The following ROBO3 variants were observed in gnomAD, a reference collection of about 807,000 sequenced individuals.
ROBO3 encodes the protein roundabout homolog 3.
A neutral mutation model predicts 160.5 loss-of-function variants in ROBO3; 97 were observed. The ratio of observed to expected loss-of-function variants is 0.60; its 90% CI spans 0.51 to 0.72. The LOEUF is 0.72. ROBO3 is among the 30% of genes least tolerant of loss of function. The probability of loss-of-function intolerance (pLI) is 0.00; values close to 1 mark genes in which losing one functional copy is unlikely to be tolerated. For synonymous variants in ROBO3, 780 were observed against 746.2 expected (o/e 1.05, Z -0.74); for missense variants, 1,858 against 1,846.5 (o/e 1.01, Z -0.11).
rs894813965 is a variant in ROBO3 at position 124,875,108 on chromosome 11, C to A, written c.2074-3C>A. On this transcript the variant is annotated splice_polypyrimidine_tract_variant and splice_region_variant and intron_variant, in intron 13 of 27. Transcript: ENST00000397801. ...CTGGTGTGCCTTGTCCTGTCTCCCACAGGTGGATGGCCCAGTCCAGCTGGT... is the reference window on the plus strand; with the variant it reads ...CTGGTGTGCCTTGTCCTGTCTCCCAAAGGTGGATGGCCCAGTCCAGCTGGT... 4 of 1,597,510 alleles carry A rather than the reference C, an allele frequency of 2.5e-6. No homozygotes were observed. The highest frequency in any genetic ancestry group is 2.2e-5 in the South Asian group (2 of 88,998).
At position 124,875,859 on chromosome 11, in the gene ROBO3, C is replaced by G. The variant is rs562529528; in HGVS notation, c.2422-95C>G. On this transcript the variant is annotated intron_variant, in intron 15 of 27. Transcript: ENST00000397801. Reference sequence around the variant, plus strand: ...GTGTTGTTTCCAGGTTGAATTACATCTGTATAAGGCTTCTCTACCATTTGG... The same window carrying G: ...GTGTTGTTTCCAGGTTGAATTACATGTGTATAAGGCTTCTCTACCATTTGG... 4.5e-4 allele frequency: 657 copies of G among 1,468,856 alleles called. 1 individual carries two copies. The Middle Eastern group carries it at 6.6e-3, about 15-fold the overall frequency. 91.0% of individuals were successfully genotyped at this position (1,468,856 alleles called of 1,614,324 possible).
chr11:124,873,574 T>C lies in ROBO3; in HGVS notation c.1619-123T>C, dbSNP rs1193419276. The stretch of plus-strand genomic sequence containing the variant: ...AGGCAGATGTGAGTAGGGGTTCATA[T>C]ACTATAGCCCACTCTGACCATCACC... On this transcript the variant is annotated intron_variant, in intron 10 of 27. Transcript: ENST00000397801. The surrounding 1 kb of genome is among the most constrained non-coding windows in gnomAD (Gnocchi z 4.5). The C allele has an allele frequency of 1.3e-5, 14 of 1,041,180 alleles. No homozygotes were observed. The highest frequency in any genetic ancestry group is 1.6e-5 in the African/African-American group (1 of 62,890). The allele number at this position is 1,041,180 out of a possible 1,614,324, so 64.5% of individuals were successfully genotyped here. A position where few individuals can be genotyped will look rare whatever the true frequency, so the allele number is the denominator to read the frequency against.
At position 124,877,537 on chromosome 11, in the gene ROBO3, C is replaced by T. The variant is rs759094418; in HGVS notation, c.2865C>T (p.Gly955=). The change falls in exon 20 of 28, where the codon GGC becomes GGT. Residue 955 remains glycine, a synonymous_variant. Transcript: ENST00000397801. Reference sequence around the variant, plus strand: ...CCCTCAGGCCACCCATGGGCCTTGGCCCCGCCCCCTACTCATGGCTGGCAG... The same window carrying T: ...CCCTCAGGCCACCCATGGGCCTTGGTCCCGCCCCCTACTCATGGCTGGCAG... ...GASSRPPMGL[G]PAPYSWLADS... 6.2e-7 allele frequency: 1 copy of T among 1,600,532 alleles called. No homozygotes were observed. The highest frequency in any genetic ancestry group is 1.1e-5 in the South Asian group (1 of 88,652).
At chr11:124,880,687 G>A in intron 27 of ROBO3, 79 bp downstream of exon 27, 1 of 1,449,876 alleles carries the variant, frequency 6.9e-7, no homozygotes. Flanking sequence ...AAACAGGAAG[G>A]TGGGCAAGGG....
Position 124,876,030 on chromosome 11 carries a change from G to A in ROBO3, c.2498G>A (p.Arg833Gln), listed in dbSNP as rs993332176. The change falls in exon 16 of 28, where the codon CGA becomes CAA. Residue 833 changes from arginine (R) to glutamine (Q), a missense_variant. Physicochemically the swap from Arg to Gln is conservative, Grantham distance 43. Coordinates refer to ENST00000397801, the MANE Select transcript of ROBO3 (RefSeq NM_022370.4). This position sits in a 1 kb window ranked among gnomAD's most constrained non-coding sequence, Gnocchi z 5.3. ...GGCTGGGCACGCTCCGCAATGCTCC[G>A]AGGACTGGTGCCCGGTCTCCTCTAT... ...AAGWARSAMLRGLVPGLLYRT... is the reference protein window; with the variant it reads ...AAGWARSAMLQGLVPGLLYRT... 8.7e-6 allele frequency: 14 copies of A among 1,605,548 alleles called. No homozygotes were observed. The highest frequency in any genetic ancestry group is 1.3e-5 in the African/African-American group (1 of 74,750).
Position 124,874,918 on chromosome 11 carries a change from G to T in ROBO3, c.2073+9G>T. 1 of 1,602,216 alleles carries T rather than the reference G, an allele frequency of 6.2e-7. No individual in the cohort carries two copies. ...TGCAGGTGTCCTGGACTGTGAGTGT[G>T]GTATGGGGAGGAGATTCAGGGTGGG... On this transcript the variant is annotated intron_variant, in intron 13 of 27. Transcript: ENST00000397801.
At position 124,879,394 on chromosome 11, in the gene ROBO3, C is replaced by T. The variant is rs1946498794; in HGVS notation, c.3685+53C>T. 7 of 1,606,196 alleles carry T rather than the reference C, an allele frequency of 4.4e-6. No individual in the cohort carries two copies. In the East Asian group the frequency reaches 1.1e-4, roughly 26 times the overall value. ...CCCGGCTCCCTCCAGTGCTTGCTTCCCCTTCACCCTTAGGCCTTTTTCCTG... is the reference window on the plus strand; with the variant it reads ...CCCGGCTCCCTCCAGTGCTTGCTTCTCCTTCACCCTTAGGCCTTTTTCCTG... On this transcript the variant is annotated intron_variant, in intron 24 of 27. Coordinates refer to ENST00000397801, the MANE Select transcript of ROBO3 (RefSeq NM_022370.4).
intron 14 of ROBO3, 60 bp from the exon 15 acceptor site, chr11:124,875,484 GGGAGGGGGAATGTTGGGGCA>G (rs1946344592): frequency 6.3e-7 from 1 of 1,592,806 alleles, no homozygotes; most frequent in African/African-American, 1.4e-5. Context: ...TGTTAGAACA[GGGAGGGGGAATGTTGGGGCA>G]GGAGGGGCAG....
At chr11:124,874,573 G>A (rs1353121703) in intron 12 of ROBO3, among the ~76,000 whole-genome samples, 1 of 152,222 alleles carries the variant, frequency 6.6e-6, no homozygotes, top group Non-Finnish European at 1.5e-5. Context: ...TCTTAGAGAT[G>A]AGGAACTGAG....
rs1168577893 is a variant in ROBO3 at position 124,879,835 on chromosome 11, C to T, written c.3845C>T (p.Ala1282Val). The change falls in exon 26 of 28, where the codon GCC (alanine) becomes GTC (valine). Residue 1282 changes from alanine (A) to valine (V), a missense_variant. Physicochemically the swap from Ala to Val is moderately conservative, Grantham distance 64. Transcript: ENST00000397801. ...LPPPEEEASW[A>V]LELRAAGSMS... ...CCGCCAGAGGAAGAGGCGAGCTGGG[C>T]CCTAGAGCTGAGGGCAGCAGGCAGC... The T allele has an allele frequency of 6.2e-7, 1 of 1,613,850 alleles. No individual in the cohort carries two copies. The highest frequency in any genetic ancestry group is 8.5e-7 in the Non-Finnish European group (1 of 1,179,834).
rs752275159 is a variant in ROBO3 at position 124,873,063 on chromosome 11, G to A, written c.1510G>A (p.Gly504Ser). 3.5e-5 allele frequency: 57 copies of A among 1,613,692 alleles called. No homozygotes were observed. The Admixed American group carries it at 4.2e-4, about 12-fold the overall frequency. Residue 504 changes from glycine to serine, a missense_variant, in exon 9 of 28, where the codon GGT (glycine) becomes AGT (serine). Transcript: ENST00000397801. The surrounding 1 kb of genome is among the most constrained non-coding windows in gnomAD (Gnocchi z 4.5). Reference protein sequence around the residue: ...DDLQFKTMANGTLYIANVQEM... With the variant: ...DDLQFKTMANSTLYIANVQEM... ...CCTCCAGTTCAAGACAATGGCCAAC[G>A]GTACCCTGTACATCGCCAATGTGCA... is the stretch of plus-strand genomic sequence containing the variant.
intron 27 of ROBO3, among the ~76,000 whole-genome samples, chr11:124,881,010 C>T (rs1460513476): frequency 1.1e-4 from 16 of 152,146 alleles, no homozygotes; most frequent in Admixed American, 1.0e-3. Context: ...GCCATGATCA[C>T]ACCACTGCTC....
rs1332187651 is a variant in ROBO3 at position 124,870,321 on chromosome 11, G to T, written c.905+18G>T. The T allele has an allele frequency of 6.2e-7, 1 of 1,609,438 alleles. No homozygotes were observed. The highest frequency in any genetic ancestry group is 8.5e-7 in the Non-Finnish European group (1 of 1,177,778). ...ACAGGCAGGTGAGAGACCCCCTTCTGCCTGTAGGAAGACCCAACCTGATCA... is the reference window on the plus strand; with the variant it reads ...ACAGGCAGGTGAGAGACCCCCTTCTTCCTGTAGGAAGACCCAACCTGATCA... On this transcript the variant is annotated intron_variant, in intron 5 of 27. Transcript: ENST00000397801.
chr11:124,878,878 G>T lies in ROBO3; in HGVS notation c.3533+82G>T. ...TAGATGACTGGGTGGGTGGATGGATGGATGGGTGGATGGATCTGGGGTACA... is the reference window on the plus strand; with the variant it reads ...TAGATGACTGGGTGGGTGGATGGATTGATGGGTGGATGGATCTGGGGTACA... On this transcript the variant is annotated intron_variant, in intron 23 of 27. Transcript: ENST00000397801. The surrounding 1 kb of genome is among the most constrained non-coding windows in gnomAD (Gnocchi z 4.3). 8.6e-7 allele frequency: 1 copy of T among 1,162,682 alleles called. No homozygotes were observed. Among genetic ancestry groups the T allele is most frequent in the Non-Finnish European group, 1.2e-6 (1 of 809,880 alleles). The allele number at this position is 1,162,682 out of a possible 1,614,324, so 72.0% of individuals were successfully genotyped here.
rs780110329 is a variant in ROBO3 at position 124,874,832 on chromosome 11, C to G, written c.1996C>G (p.Gln666Glu). 2.2e-5 allele frequency: 35 copies of G among 1,603,912 alleles called. No individual in the cohort carries two copies. Among genetic ancestry groups the G allele is most frequent in the Non-Finnish European group, 2.9e-5 (34 of 1,175,414 alleles). The change falls in exon 13 of 28, where the codon CAG becomes GAG. Residue 666 changes from glutamine to glutamate, a missense_variant. Transcript: ENST00000397801. ...AGTGGAGGACCCATGGAGAGGCCAGCAGGGACTGGCGGAAGTGGCTGTGCG... is the reference window on the plus strand; with the variant it reads ...AGTGGAGGACCCATGGAGAGGCCAGGAGGGACTGGCGGAAGTGGCTGTGCG... ...RPVEDPWRGQ[Q>E]GLAEVAVRLQ...
chr11:124,868,455 G>A, intron 1 of ROBO3: 1 of 581,854 alleles, frequency 1.7e-6, no homozygotes, highest in Non-Finnish European at 3.1e-6. Context: ...CAGGAGGCGA[G>A]GGAGCGGTCT....
rs749953281 is a variant in ROBO3, at chr11:124,872,352, C to A, written c.1159-29C>A. The A allele has an allele frequency of 6.2e-7, 1 of 1,612,278 alleles. No individual in the cohort carries two copies. Among genetic ancestry groups the A allele is most frequent in the East Asian group, 2.2e-5 (1 of 44,878 alleles). On this transcript the variant is annotated intron_variant, in intron 7 of 27. Coordinates refer to ENST00000397801, the MANE Select transcript of ROBO3 (RefSeq NM_022370.4). This position sits in a 1 kb window ranked among gnomAD's most constrained non-coding sequence, Gnocchi z 4.3. ...TCCCTGCCCAGCTGCCTGCTCATTCCCTACCCTGGTTCCTTGCTCTGTCCC... is the reference window on the plus strand; with the variant it reads ...TCCCTGCCCAGCTGCCTGCTCATTCACTACCCTGGTTCCTTGCTCTGTCCC...
At chr11:124,875,762 G>T in intron 15 of ROBO3, 77 bp downstream of exon 15, 1 of 1,528,230 alleles carries the variant, frequency 6.5e-7, no homozygotes, top group Non-Finnish European at 8.9e-7. Flanking sequence ...TAGAATTAGG[G>T]TGGAGGAAAT....
intron 26 of ROBO3, 60 bp from the exon 27 acceptor site, chr11:124,880,358 G>C (rs1162307453): frequency 6.3e-7 from 1 of 1,595,876 alleles, no homozygotes; most frequent in Non-Finnish European, 8.5e-7. Flanking sequence ...TGGCAGGGTG[G>C]GTGACAGGGA....
Sources: gnomAD v4.1 joint callset for allele counts (sites outside exome capture counted in the v4.1 genomes callset) on GRCh38, gnomAD v4.1.1 for gene constraint, Gnocchi (gnomAD v3.1) non-coding constraint, MANE v1.5 for transcripts, NCBI Gene and HGNC (gene_info 2026-07-23, HGNC 2026-07-21) for gene names.